RALY: variants seen among roughly 807,000 people sequenced by gnomAD.
RALY encodes RALY heterogeneous nuclear ribonucleoprotein, also known as RNA-binding protein Raly.
In RALY, 15 loss-of-function variants were observed where a neutral mutation model predicts 30.7. That is an observed-to-expected ratio of 0.49 (90% CI 0.33 to 0.75). RALY has a LOEUF of 0.75. Among genes scored for constraint, RALY ranks in the 30% least tolerant of loss-of-function variants. The probability of loss-of-function intolerance (pLI) is 0.02; values close to 1 mark genes in which losing one functional copy is unlikely to be tolerated. For synonymous variants in RALY, 177 were observed against 170.8 expected (o/e 1.04, Z -0.28); for missense variants, 339 against 414.3 (o/e 0.82, Z 1.58).
intron 2 of RALY, among the ~76,000 whole-genome samples, chr20:34,071,178 G>A (rs2033715857): frequency 6.6e-6 from 1 of 152,156 alleles, no homozygotes; most frequent in Non-Finnish European, 1.5e-5. Context: ...TGAGATTTGG[G>A]CGGGGACACA....
chr20:34,031,115 G>C (rs1352423870), intron 1 of RALY, among the ~76,000 whole-genome samples: 1 of 133,478 alleles, frequency 7.5e-6, no homozygotes, highest in Non-Finnish European at 1.5e-5. Flanking sequence ...GCACGATCTC[G>C]CTCACTGGAA....
At chr20:34,079,729 C>T (rs2033992115) in intron 9 of RALY, among the ~76,000 whole-genome samples, 181 bp from the exon 10 acceptor site, 1 of 152,132 alleles carries the variant, frequency 6.6e-6, no homozygotes, top group East Asian at 1.9e-4. Context: ...AATGGAGGTT[C>T]AGAGAGCGGG....
At chr20:34,040,888 C>T (rs1165427794) in intron 2 of RALY, among the ~76,000 whole-genome samples, 1 of 152,140 alleles carries the variant, frequency 6.6e-6, no homozygotes, top group East Asian at 1.9e-4. Context: ...ATACTGCCTC[C>T]CTGTCCTCTG....
At chr20:34,016,882 C>T (rs1188691177) in intron 1 of RALY, among the ~76,000 whole-genome samples, 1 of 152,276 alleles carries the variant, frequency 6.6e-6, no homozygotes, top group African/African-American at 2.4e-5. Flanking sequence ...TGACACAGCT[C>T]CTAATTAGAA....
intron 1 of RALY, among the ~76,000 whole-genome samples, chr20:33,999,442 G>A (rs555373655): frequency 3.7e-4 from 56 of 152,296 alleles, no homozygotes; most frequent in African/African-American, 1.3e-3. Context: ...TAAACTGGAT[G>A]ATGCAAACAT....
At chr20:34,059,926 AC>A (rs2123209713) in intron 2 of RALY, among the ~76,000 whole-genome samples, 1 of 152,132 alleles carries the variant, frequency 6.6e-6, no homozygotes, top group African/African-American at 2.4e-5. Flanking sequence ...CTTGGTGGGA[AC>A]CTTTGCTTAG....
intron 1 of RALY, among the ~76,000 whole-genome samples, chr20:33,998,956 GT>G (rs2030774075): frequency 6.6e-6 from 1 of 151,620 alleles, no homozygotes; most frequent in African/African-American, 2.4e-5. Flanking sequence ...GTGAAACCCC[GT>G]CTCTACTAAA....
chr20:34,073,474 A>C (rs2033788402), intron 3 of RALY, 89 bp from the exon 4 acceptor site: 13 of 1,230,830 alleles, frequency 1.1e-5, no homozygotes, highest in Non-Finnish European at 1.6e-5. Context: ...CCGTGTAAGC[A>C]CATGAATTGC....
At chr20:34,056,526 T>A (rs2033249373) in intron 2 of RALY, among the ~76,000 whole-genome samples, 1 of 152,236 alleles carries the variant, frequency 6.6e-6, no homozygotes, top group Non-Finnish European at 1.5e-5. Flanking sequence ...TGTAGTTTTA[T>A]ACAGTGTCTG....
At chr20:34,073,295 G>A (rs188036298) in intron 3 of RALY, among the ~76,000 whole-genome samples, 1 of 152,104 alleles carries the variant, frequency 6.6e-6, no homozygotes, top group East Asian at 1.9e-4. Context: ...TGTGTGTGTG[G>A]TGGGGCGGGG....
intron 5 of RALY, among the ~76,000 whole-genome samples, chr20:34,074,891 G>T: frequency 6.6e-6 from 1 of 152,182 alleles, no homozygotes; most frequent in Non-Finnish European, 1.5e-5. Flanking sequence ...CCTGAACAAA[G>T]GAGCCCCAAG....
chr20:33,999,278 GAGA>G (rs2030797723), intron 1 of RALY, among the ~76,000 whole-genome samples: 1 of 152,136 alleles, frequency 6.6e-6, no homozygotes, highest in Admixed American at 6.5e-5. Context: ...GAGGACACAG[GAGA>G]AGAAGGAGCA....
At position 34,077,104 on chromosome 20, in the gene RALY, T is replaced by TGGTGGCGGTGGC; in HGVS notation, c.742_753dup (p.Gly248_Gly251dup). The TGGTGGCGGTGGC allele has an allele frequency of 4.4e-6, 7 of 1,601,812 alleles. No homozygotes were observed. The highest frequency in any genetic ancestry group is 6.0e-6 in the Non-Finnish European group (7 of 1,173,436). On this transcript the variant is annotated inframe_insertion, in exon 8 of 10. Coordinates refer to ENST00000246194, the MANE Select transcript of RALY (RefSeq NM_016732.3). ...GTGGCAGCGGTGGCGGTGGCAGTGG[T>TGGTGGCGGTGGC]GGTGGCGGTGGCGGTGGCAGCAGCC...
At chr20:34,034,311 T>A (rs1364429684) in intron 2 of RALY, among the ~76,000 whole-genome samples, 1 of 152,188 alleles carries the variant, frequency 6.6e-6, no homozygotes, top group African/African-American at 2.4e-5. Flanking sequence ...CAATGGACAT[T>A]CTGTTCTTCT....
intron 2 of RALY, among the ~76,000 whole-genome samples, chr20:34,071,681 G>A (rs1178194042): frequency 6.6e-6 from 1 of 152,090 alleles, no homozygotes; most frequent in Non-Finnish European, 1.5e-5. Context: ...GATCCTGAAT[G>A]GGATAACATT....
intron 1 of RALY, among the ~76,000 whole-genome samples, chr20:34,031,079 C>G (rs961929316): frequency 1.7e-5 from 2 of 118,062 alleles, no homozygotes; most frequent in African/African-American, 6.6e-5. Flanking sequence ...GATTCTCACT[C>G]TTGTCACCCA....
intron 2 of RALY, among the ~76,000 whole-genome samples, chr20:34,052,541 A>T (rs1201189352): frequency 6.6e-6 from 1 of 152,166 alleles, no homozygotes; most frequent in Non-Finnish European, 1.5e-5. Context: ...CCTGCAAACC[A>T]CTAATCAGAG....
chr20:34,035,769 G>C, intron 2 of RALY, among the ~76,000 whole-genome samples: 1 of 152,258 alleles, frequency 6.6e-6, no homozygotes, highest in East Asian at 1.9e-4. Context: ...TGTAGTTTAC[G>C]TTCTAGTAGA....
chr20:34,041,088 CTA>C (rs2032682725), intron 2 of RALY, among the ~76,000 whole-genome samples: 1 of 152,212 alleles, frequency 6.6e-6, no homozygotes, highest in Non-Finnish European at 1.5e-5. Context: ...GAGTTAGAAG[CTA>C]TGTTTCCATC....
Sources: allele counts gnomAD v4.1 joint callset (sites outside exome capture counted in the v4.1 genomes callset), GRCh38; gene constraint gnomAD v4.1.1; transcripts MANE v1.5; gene names NCBI Gene and HGNC (gene_info 2026-07-23, HGNC 2026-07-21).